The following SRBD1 variants were observed in gnomAD, a reference collection of about 807,000 sequenced individuals.
SRBD1 encodes S1 RNA binding domain 1, also known as S1 RNA-binding domain-containing protein 1.
Under a neutral mutation model 115.3 loss-of-function variants are expected in SRBD1, and 88 were observed. That is an observed-to-expected ratio of 0.76 (90% CI 0.64 to 0.91). The LOEUF is 0.91. SRBD1 is among the 40% of genes least tolerant of loss of function. The probability of loss-of-function intolerance (pLI) is 0.00; values close to 1 mark genes in which losing one functional copy is unlikely to be tolerated. For missense variants in SRBD1, 1,385 were observed against 1,177.4 expected, an observed-to-expected ratio of 1.18 and a Z score of -2.58; for synonymous variants, 509 against 407.7, an observed-to-expected ratio of 1.25 and a Z score of -2.99.
At position 45,568,629 on chromosome 2, in the gene SRBD1, C is replaced by G. The variant is rs181950617; in HGVS notation, c.1305+4578G>C. ...ATAATCTTAAATTCAGTCACTAACTCAGAATGCCACATTTGCTACACACAC... is the reference window on the plus strand; with the variant it reads ...ATAATCTTAAATTCAGTCACTAACTGAGAATGCCACATTTGCTACACACAC... On this transcript the variant is annotated intron_variant, in intron 9 of 20. Transcript: ENST00000263736. Among the ~76,000 whole-genome samples, 56 of 152,288 alleles carry G rather than the reference C, an allele frequency of 3.7e-4. 1 individual carries two copies. The East Asian group carries it at 7.9e-3, about 22-fold the overall frequency.
intron 16 of SRBD1, among the ~76,000 whole-genome samples, chr2:45,421,225 T>C (rs1174929844): frequency 2.6e-5 from 4 of 151,864 alleles, no homozygotes; most frequent in African/African-American, 9.7e-5. Flanking sequence ...TGTCAGAAAA[T>C]GGCCAGGCGT....
At chr2:45,410,020 T>A (rs76217811) in intron 19 of SRBD1, among the ~76,000 whole-genome samples, 2,301 of 152,306 alleles carry the variant, frequency 0.015, 41 homozygotes, top group African/African-American at 0.039. Flanking sequence ...TACATTTTTA[T>A]ATCTGCAGAA....
At chr2:45,449,798 G>A (rs931600177) in intron 16 of SRBD1, among the ~76,000 whole-genome samples, 3 of 152,142 alleles carry the variant, frequency 2.0e-5, no homozygotes, top group Non-Finnish European at 2.9e-5. Flanking sequence ...AGAAATAAGC[G>A]AGCTACAGTT....
rs75679186 is a variant in SRBD1, at chr2:45,552,940, T to G, written c.1517+683A>C. The stretch of plus-strand genomic sequence containing the variant: ...GAAGAGATGGCTACAAAACTACAGT[T>G]TTCAAGTAGCCCTTGCTGAAACCTA... On this transcript the variant is annotated intron_variant, in intron 11 of 20. Transcript: ENST00000263736. Among the ~76,000 whole-genome samples, 48 of 152,300 alleles carry G rather than the reference T, an allele frequency of 3.2e-4. 1 individual carries two copies. The East Asian group carries it at 8.9e-3, about 28-fold the overall frequency.
At chr2:45,513,788 T>C (rs940346090) in intron 14 of SRBD1, among the ~76,000 whole-genome samples, 135 of 86,702 alleles carry the variant, frequency 1.6e-3, no homozygotes, top group African/African-American at 7.1e-3. Context: ...TCAAAACAGT[T>C]TTTTTTTGTT....
chr2:45,413,353 T>C, intron 18 of SRBD1, 60 bp from the exon 19 acceptor site: 6 of 1,551,222 alleles, frequency 3.9e-6, no homozygotes, highest in Non-Finnish European at 4.3e-6. Context: ...AGAAAAGTCT[T>C]CAAATTAAAA....
chr2:45,406,683 T>C (rs895493548), intron 19 of SRBD1, among the ~76,000 whole-genome samples: 6 of 152,138 alleles, frequency 3.9e-5, no homozygotes, highest in Non-Finnish European at 7.4e-5. Flanking sequence ...GGAAATAGCA[T>C]ATCTGCAGCA....
intron 14 of SRBD1, chr2:45,546,500 G>T: frequency 2.5e-6 from 1 of 394,338 alleles, no homozygotes; most frequent in Non-Finnish European, 3.4e-6. Context: ...GCCCTAACGT[G>T]CTGCTTCTGT....
intron 14 of SRBD1, among the ~76,000 whole-genome samples, chr2:45,532,285 G>C (rs1671636961): frequency 6.6e-6 from 1 of 151,784 alleles, no homozygotes; most frequent in Non-Finnish European, 1.5e-5. Context: ...TGAAACATTT[G>C]ACAGACAGTG....
intron 20 of SRBD1, among the ~76,000 whole-genome samples, 167 bp from the exon 21 acceptor site, chr2:45,389,766 A>T (rs562597579): frequency 6.6e-6 from 1 of 152,228 alleles, no homozygotes; most frequent in East Asian, 1.9e-4. Context: ...GAGAACATGC[A>T]TATCAGTTGG....
intron 14 of SRBD1, among the ~76,000 whole-genome samples, chr2:45,545,857 T>C (rs781638764): frequency 5.3e-5 from 8 of 152,208 alleles, no homozygotes; most frequent in Non-Finnish European, 1.0e-4. Flanking sequence ...CTGCCTGGCC[T>C]TTACCTTTTG....
intron 4 of SRBD1, among the ~76,000 whole-genome samples, chr2:45,587,256 T>G (rs1409857316): frequency 1.4e-5 from 2 of 147,080 alleles, no homozygotes; most frequent in Non-Finnish European, 3.0e-5. Flanking sequence ...TAAATACATA[T>G]TAAAATTGAT....
chr2:45,407,222 G>C (rs1029526705), intron 19 of SRBD1, among the ~76,000 whole-genome samples: 1 of 152,140 alleles, frequency 6.6e-6, no homozygotes, highest in African/African-American at 2.4e-5. Context: ...AACATGCTTG[G>C]TAATGAGGAA....
chr2:45,418,279 A>ACT, intron 18 of SRBD1, 86 bp downstream of exon 18: 1 of 1,490,660 alleles, frequency 6.7e-7, no homozygotes, highest in Non-Finnish European at 9.1e-7. Context: ...GACACTTAGA[A>ACT]AATTTTACAC....
chr2:45,445,552 A>T (rs1029609962), intron 16 of SRBD1, among the ~76,000 whole-genome samples: 3 of 118,762 alleles, frequency 2.5e-5, no homozygotes, highest in Admixed American at 8.1e-5. Flanking sequence ...CCCAGAGGTA[A>T]AAAAAAAAAA....
chr2:45,581,426 C>T (rs1051603197), intron 6 of SRBD1, among the ~76,000 whole-genome samples: 10 of 152,240 alleles, frequency 6.6e-5, no homozygotes, highest in Non-Finnish European at 1.0e-4. Context: ...ATAAGCTTCA[C>T]GTTTGTATAA....
chr2:45,440,389 A>G (rs1194436478), intron 16 of SRBD1, among the ~76,000 whole-genome samples: 2 of 152,320 alleles, frequency 1.3e-5, no homozygotes, highest in South Asian at 4.1e-4. Flanking sequence ...CTGGCTAAGT[A>G]AAGGTTCATA....
intron 16 of SRBD1, among the ~76,000 whole-genome samples, chr2:45,453,755 C>T (rs1669067905): frequency 6.6e-6 from 1 of 151,808 alleles, no homozygotes; most frequent in Admixed American, 6.6e-5. Flanking sequence ...AAACAAAACT[C>T]AGAAATTACT....
intron 14 of SRBD1, among the ~76,000 whole-genome samples, chr2:45,517,400 G>C (rs372137499): frequency 6.6e-6 from 1 of 152,136 alleles, no homozygotes; most frequent in African/African-American, 2.4e-5. Flanking sequence ...TGGTAACAAA[G>C]AAGACTAAAA....
Sources: gnomAD v4.1 joint callset for allele counts (sites outside exome capture counted in the v4.1 genomes callset) on GRCh38, gnomAD v4.1.1 for gene constraint, MANE v1.5 for transcripts, NCBI Gene and HGNC (gene_info 2026-07-23, HGNC 2026-07-21) for gene names.